Variants in CARMIL1 observed in about 807,000 individuals in gnomAD.
The protein encoded by CARMIL1 is F-actin-uncapping protein LRRC16A.
In CARMIL1, 90 loss-of-function variants were observed where a neutral mutation model predicts 177.1. The ratio of observed to expected loss-of-function variants is 0.51; its 90% CI spans 0.43 to 0.61. The LOEUF is 0.61. Among genes scored for constraint, CARMIL1 ranks in the 20% least tolerant of loss-of-function variants. The pLI, the probability that CARMIL1 is intolerant of heterozygous loss-of-function variation, is 0.00. For missense variants in CARMIL1, 1,380 were observed against 1,667.0 expected (o/e 0.83, Z 3.00); for synonymous variants, 577 against 606.2 (o/e 0.95, Z 0.71).
chr6:25,502,165 CA>C (rs1804441889), intron 17 of CARMIL1, among the ~76,000 whole-genome samples: 1 of 147,764 alleles, frequency 6.8e-6, no homozygotes, highest in South Asian at 2.1e-4. Flanking sequence ...TACTGAGGGG[CA>C]TGCCAATAGT....
At chr6:25,598,120 T>C (rs1815030971) in intron 32 of CARMIL1, among the ~76,000 whole-genome samples, 1 of 152,134 alleles carries the variant, frequency 6.6e-6, no homozygotes, top group African/African-American at 2.4e-5. Flanking sequence ...AAAAACCAAT[T>C]TGCTTGACAC....
chr6:25,425,482 T>C (rs566335759), intron 3 of CARMIL1, among the ~76,000 whole-genome samples: 71 of 152,352 alleles, frequency 4.7e-4, no homozygotes, highest in African/African-American at 1.7e-3. Context: ...ACTAAATCTC[T>C]TGTGGGTTTG....
chr6:25,602,372 A>G (rs900592419), intron 33 of CARMIL1, among the ~76,000 whole-genome samples: 20 of 152,222 alleles, frequency 1.3e-4, no homozygotes, highest in African/African-American at 4.8e-4. Context: ...GAATTTCTTT[A>G]TAACAATGAA....
rs563937755 is a variant in CARMIL1 at position 25,279,925 on chromosome 6, C to T, written c.40+90C>T. ...CCCACCTCTGCTTTCCCGCAGGTCT[C>T]GAGAAGTCTTGGCGCCCCTTAGGGC... is the stretch of plus-strand genomic sequence containing the variant. On this transcript the variant is annotated intron_variant, in intron 1 of 36. Coordinates refer to ENST00000329474, the MANE Select transcript of CARMIL1 (RefSeq NM_017640.6). 352 of 1,487,460 alleles carry T rather than the reference C, an allele frequency of 2.4e-4. 1 individual carries two copies. The African/African-American group carries it at 4.6e-3, about 20-fold the overall frequency. The allele number at this position is 1,487,460 out of a possible 1,614,324, so 92.1% of individuals were successfully genotyped here.
intron 2 of CARMIL1, among the ~76,000 whole-genome samples, chr6:25,357,076 GT>G (rs35891455): frequency 0.027 from 3,589 of 131,068 alleles, 86 homozygotes; most frequent in African/African-American, 0.072. Flanking sequence ...AAGTCATTGT[GT>G]TTTTTTTTTT....
At chr6:25,559,573 T>C (rs954289072) in intron 29 of CARMIL1, among the ~76,000 whole-genome samples, 2 of 5,850 alleles carry the variant, frequency 3.4e-4, no homozygotes, top group African/African-American at 4.2e-3. Context: ...AGATGGAGCT[T>C]ACAGCACTGT....
chr6:25,519,419 A>G (rs567870030), intron 22 of CARMIL1, among the ~76,000 whole-genome samples: 2 of 152,272 alleles, frequency 1.3e-5, no homozygotes, highest in South Asian at 4.1e-4. Flanking sequence ...ATCTGAGCAC[A>G]TAGCAGTTTG....
At chr6:25,606,627 T>C (rs918118697) in intron 35 of CARMIL1, among the ~76,000 whole-genome samples, 1 of 152,178 alleles carries the variant, frequency 6.6e-6, no homozygotes, top group African/African-American at 2.4e-5. Context: ...CGTTCAGACA[T>C]TTTGAAAAGC....
intron 23 of CARMIL1, chr6:25,527,729 G>C (rs1214367310): frequency 2.3e-6 from 1 of 437,686 alleles, no homozygotes; most frequent in Admixed American, 2.7e-5. Context: ...TTAATGGAAA[G>C]GTACATTTTG....
At chr6:25,582,318 T>A (rs192157534) in intron 31 of CARMIL1, among the ~76,000 whole-genome samples, 1 of 152,318 alleles carries the variant, frequency 6.6e-6, no homozygotes, top group East Asian at 1.9e-4. Flanking sequence ...TCTTTTCTTT[T>A]CCACTCACCT....
Position 25,337,973 on chromosome 6 carries a change from G to A in CARMIL1, c.138+53064G>A, listed in dbSNP as rs989646994. 2.6e-5 allele frequency among the ~76,000 whole-genome samples: 4 copies of A among 152,284 alleles called. No homozygotes were observed. The East Asian group carries it at 5.8e-4, about 22-fold the overall frequency. On this transcript the variant is annotated intron_variant, in intron 2 of 36. Coordinates refer to ENST00000329474, the MANE Select transcript of CARMIL1 (RefSeq NM_017640.6). ...GGTTCTGACTAGCGTATGAGGGTGG[G>A]GTTAGGTTTTCCCTATCTTCCCCCT...
At position 25,488,535 on chromosome 6, in the gene CARMIL1, C is replaced by A; in HGVS notation, c.1015C>A (p.Leu339Ile). 3 of 1,614,024 alleles carry A rather than the reference C, an allele frequency of 1.9e-6. No homozygotes were observed. The highest frequency in any genetic ancestry group is 2.5e-6 in the Non-Finnish European group (3 of 1,179,882). ...TGCCAATCCATTGACCGCCTCTACCCTTGTCCACCTCGACCTCTCAGGGAA... is the reference window on the plus strand; with the variant it reads ...TGCCAATCCATTGACCGCCTCTACCATTGTCCACCTCGACCTCTCAGGGAA... ...LSANPLTAST[L>I]VHLDLSGNVL... is the part of the protein sequence containing the mutation. The change falls in exon 13 of 37, where the codon CTT becomes ATT. Residue 339 changes from leucine to isoleucine, a missense_variant. Coordinates refer to ENST00000329474, the MANE Select transcript of CARMIL1 (RefSeq NM_017640.6).
At position 25,529,755 on chromosome 6, in the gene CARMIL1, C is replaced by CAAAAA. The variant is rs70977217; in HGVS notation, c.2067+888_2067+892dup. Among the ~76,000 whole-genome samples, 112 of 33,246 alleles carry CAAAAA rather than the reference C, an allele frequency of 3.4e-3. 4 individuals carry two copies. The highest frequency in any genetic ancestry group is 0.022 in the Middle Eastern group (1 of 46). The allele number at this position is 33,246 out of a possible 152,430, so 21.8% of individuals were successfully genotyped here. ...GGGCGACAGAGCGAGACTCCGTCTC[C>CAAAAA]AAAAAAAAAAAAAAAAAAAAAAAAA... On this transcript the variant is annotated intron_variant, in intron 24 of 36. Transcript: ENST00000329474.
chr6:25,448,284 T>C (rs1020557397), intron 5 of CARMIL1, among the ~76,000 whole-genome samples: 3 of 152,182 alleles, frequency 2.0e-5, no homozygotes, highest in Non-Finnish European at 4.4e-5. Flanking sequence ...ATCCTTTTAT[T>C]TGACCTGTGA....
chr6:25,302,102 G>T (rs1225910313), intron 2 of CARMIL1, among the ~76,000 whole-genome samples: 2 of 152,162 alleles, frequency 1.3e-5, no homozygotes, highest in Admixed American at 1.3e-4. Flanking sequence ...TGAAAATTCA[G>T]TAAGTCTAAA....
At chr6:25,300,511 T>C (rs2018839) in intron 2 of CARMIL1, among the ~76,000 whole-genome samples, 105,764 of 149,698 alleles carry the variant, frequency 0.71, 37,594 homozygotes, top group African/African-American at 0.84. Flanking sequence ...TGCTAAAATA[T>C]GGAGGCACAC....
chr6:25,288,595 T>C (rs1781702837), intron 2 of CARMIL1, among the ~76,000 whole-genome samples: 1 of 152,014 alleles, frequency 6.6e-6, no homozygotes, highest in African/African-American at 2.4e-5. Flanking sequence ...GCACAGTGGC[T>C]GCATGCAGCA....
chr6:25,382,692 C>T (rs181130937), intron 2 of CARMIL1, among the ~76,000 whole-genome samples: 5 of 152,154 alleles, frequency 3.3e-5, no homozygotes, highest in African/African-American at 9.6e-5. Flanking sequence ...ATTTACAATC[C>T]TTTGGCAAGA....
At chr6:25,390,315 TATATA>T (rs869271163) in intron 2 of CARMIL1, among the ~76,000 whole-genome samples, 10,535 of 49,574 alleles carry the variant, frequency 0.21, 780 homozygotes, top group Non-Finnish European at 0.25. Context: ...TATATATATA[TATATA>T]TTTTTTTTTT....
Sources: allele counts gnomAD v4.1 joint callset (sites outside exome capture counted in the v4.1 genomes callset), GRCh38; gene constraint gnomAD v4.1.1; transcripts MANE v1.5; gene names NCBI Gene and HGNC (gene_info 2026-07-23, HGNC 2026-07-21).